The following TENT2 variants were observed in gnomAD, a reference collection of about 807,000 sequenced individuals.
TENT2 encodes terminal nucleotidyltransferase 2.
Under a neutral mutation model 72.2 loss-of-function variants are expected in TENT2, and 44 were observed. That is an observed-to-expected ratio of 0.61 (90% CI 0.48 to 0.78). The LOEUF (loss-of-function observed/expected upper bound fraction) is 0.78, where lower values mean the gene tolerates loss of function less well. Among genes scored for constraint, TENT2 ranks in the 30% least tolerant of loss-of-function variants. TENT2 has a pLI of 0.00. For missense variants in TENT2, 541 were observed against 569.6 expected, an observed-to-expected ratio of 0.95 and a Z score of 0.51; for synonymous variants, 212 against 192.5, an observed-to-expected ratio of 1.10 and a Z score of -0.84.
rs771444702 is a variant in TENT2 at position 79,686,051 on chromosome 5, A to T, written c.*778A>T. 6.6e-6 allele frequency: 1 copy of T among 152,574 alleles called. No individual in the cohort carries two copies. Among genetic ancestry groups the T allele is most frequent in the South Asian group, 2.1e-4 (1 of 4,818 alleles). 9.5% of individuals were successfully genotyped at this position (152,574 alleles called of 1,614,324 possible). A position where few individuals can be genotyped will look rare whatever the true frequency, so the allele number is the denominator to read the frequency against. On this transcript the variant is annotated 3_prime_UTR_variant, in exon 15 of 15. Transcript: ENST00000453514. Reference sequence around the variant, plus strand: ...CTGTGCTTTACGATAGCTTAGTGCAATGTGCACTTCTGTTTTACTTGCCAT... The same window carrying T: ...CTGTGCTTTACGATAGCTTAGTGCATTGTGCACTTCTGTTTTACTTGCCAT...
intron 1 of TENT2, among the ~76,000 whole-genome samples, chr5:79,616,516 C>A (rs954331140): frequency 6.6e-6 from 1 of 151,228 alleles, no homozygotes; most frequent in East Asian, 1.9e-4. Flanking sequence ...TGGGGTTTTA[C>A]CGTGTTGCCC....
intron 10 of TENT2, among the ~76,000 whole-genome samples, 168 bp downstream of exon 10, chr5:79,649,358 A>G (rs145801349): frequency 3.8e-4 from 56 of 146,862 alleles, no homozygotes; most frequent in African/African-American, 1.3e-3. Flanking sequence ...CAGAAGTGTT[A>G]TTCCTTGGAA....
intron 4 of TENT2, among the ~76,000 whole-genome samples, chr5:79,637,765 T>C (rs889131604): frequency 7.9e-5 from 12 of 151,394 alleles, no homozygotes; most frequent in African/African-American, 2.9e-4. Context: ...TTGAGCAGGC[T>C]AGCTTTGTGG....
At chr5:79,673,196 C>T (rs1814378000) in intron 12 of TENT2, among the ~76,000 whole-genome samples, 1 of 151,748 alleles carries the variant, frequency 6.6e-6, no homozygotes, top group Admixed American at 6.6e-5. Context: ...GCCTATTAAT[C>T]CTTTGTGAGA....
At chr5:79,660,563 G>C (rs1347420872) in intron 11 of TENT2, among the ~76,000 whole-genome samples, 1 of 152,082 alleles carries the variant, frequency 6.6e-6, no homozygotes, top group Non-Finnish European at 1.5e-5. Context: ...GCTCTTCTGT[G>C]TAGTTAAATG....
chr5:79,643,650 G>GAAATAATAAAT (rs1217801843), intron 7 of TENT2, among the ~76,000 whole-genome samples: 3 of 152,098 alleles, frequency 2.0e-5, no homozygotes, highest in Non-Finnish European at 2.9e-5. Flanking sequence ...TTCTAGGAGA[G>GAAATAATAAAT]AAATAAATGA....
intron 1 of TENT2, among the ~76,000 whole-genome samples, chr5:79,613,386 AAC>A (rs1464213065): frequency 2.0e-5 from 3 of 152,240 alleles, no homozygotes; most frequent in Admixed American, 6.5e-5. Flanking sequence ...GAAACTGTAA[AAC>A]ACAAGCTAAA....
At chr5:79,659,989 C>T (rs1016220091) in intron 11 of TENT2, among the ~76,000 whole-genome samples, 6 of 151,984 alleles carry the variant, frequency 3.9e-5, no homozygotes, top group East Asian at 1.9e-4. Flanking sequence ...AAGGAAACCG[C>T]GGAGTTCTTT....
chr5:79,630,777 A>T (rs868708606), intron 4 of TENT2, among the ~76,000 whole-genome samples: 65 of 149,764 alleles, frequency 4.3e-4, no homozygotes, highest in African/African-American at 1.5e-3. Flanking sequence ...CTATTAGGCC[A>T]TTTTGATCTT....
intron 11 of TENT2, among the ~76,000 whole-genome samples, chr5:79,659,886 C>A (rs1801400785): frequency 6.6e-6 from 1 of 151,386 alleles, no homozygotes; most frequent in Admixed American, 6.6e-5. Flanking sequence ...ACAGATATAC[C>A]TTTAAGGGCA....
intron 11 of TENT2, among the ~76,000 whole-genome samples, chr5:79,666,309 A>C (rs916316629): frequency 2.0e-5 from 3 of 151,774 alleles, no homozygotes; most frequent in Non-Finnish European, 2.9e-5. Flanking sequence ...TATTTGTTGA[A>C]ATTTTAAAGC....
Position 79,685,310 on chromosome 5 carries a change from AAAG to A in TENT2, c.*40_*42del, listed in dbSNP as rs1245629553. On this transcript the variant is annotated 3_prime_UTR_variant, in exon 15 of 15. Transcript: ENST00000453514. Reference sequence around the variant, plus strand: ...TTCTTAATAAATTCTTCCAAGAAATAAAGAACAATAGTTTCATCATAATACATT... The same window carrying A: ...TTCTTAATAAATTCTTCCAAGAAATAAACAATAGTTTCATCATAATACATT... The A allele has an allele frequency of 7.0e-7, 1 of 1,436,628 alleles. No individual in the cohort carries two copies. Among genetic ancestry groups the A allele is most frequent in the Admixed American group, 2.2e-5 (1 of 46,080 alleles). The allele number at this position is 1,436,628 out of a possible 1,614,324, so 89.0% of individuals were successfully genotyped here. A position where few individuals can be genotyped will look rare whatever the true frequency, so the allele number is the denominator to read the frequency against.
chr5:79,641,026 T>C, intron 5 of TENT2, 61 bp downstream of exon 5: 2 of 1,389,650 alleles, frequency 1.4e-6, no homozygotes, highest in South Asian at 2.8e-5. Flanking sequence ...AATTTTATCT[T>C]TTTTTTTTTT....
At chr5:79,668,741 T>TGGGA in intron 11 of TENT2, 151 bp from the exon 12 acceptor site, 1 of 777,472 alleles carries the variant, frequency 1.3e-6, no homozygotes, top group Admixed American at 2.7e-5. Context: ...GGTGAAGTCT[T>TGGGA]TAGTGGAAGA....
At chr5:79,681,553 G>A (rs1821960833) in intron 13 of TENT2, 1 of 153,860 alleles carries the variant, frequency 6.5e-6, no homozygotes, top group South Asian at 2.0e-4. Context: ...ACCTTCAAAG[G>A]ACAAATCAGC....
At chr5:79,674,494 G>T (rs998789533) in intron 12 of TENT2, among the ~76,000 whole-genome samples, 2 of 152,204 alleles carry the variant, frequency 1.3e-5, no homozygotes, top group Admixed American at 6.5e-5. Flanking sequence ...TTATAATCCA[G>T]TTGGGGTGGG....
intron 6 of TENT2, among the ~76,000 whole-genome samples, chr5:79,641,809 AT>A (rs59045852): frequency 3.5e-4 from 52 of 147,170 alleles, no homozygotes; most frequent in Non-Finnish European, 3.6e-4. Context: ...TGGATTGTAG[AT>A]TTTTTTTTTT....
At chr5:79,628,019 G>A (rs1401734713) in intron 4 of TENT2, among the ~76,000 whole-genome samples, 1 of 152,086 alleles carries the variant, frequency 6.6e-6, no homozygotes, top group Non-Finnish European at 1.5e-5. Context: ...CTTGCTCAGG[G>A]TTACAGCTAG....
chr5:79,649,734 G>T (rs527505269), intron 10 of TENT2, among the ~76,000 whole-genome samples: 1 of 152,158 alleles, frequency 6.6e-6, no homozygotes, highest in South Asian at 2.1e-4. Flanking sequence ...CATGCATAGT[G>T]GCAAACAGTA....
Sources: gnomAD v4.1 joint callset for allele counts (sites outside exome capture counted in the v4.1 genomes callset) on GRCh38, gnomAD v4.1.1 for gene constraint, MANE v1.5 for transcripts, NCBI Gene and HGNC (gene_info 2026-07-23, HGNC 2026-07-21) for gene names.